VSTM2B: variants seen among roughly 807,000 people sequenced by gnomAD.
VSTM2B encodes the protein V-set and transmembrane domain containing 2B, also known as V-set and transmembrane domain-containing protein 2B.
A neutral mutation model predicts 24.0 loss-of-function variants in VSTM2B; 24 were observed. The ratio of observed to expected loss-of-function variants is 1.00; its 90% confidence interval spans 0.72 to 1.40. The LOEUF is 1.40. VSTM2B is among the 40% of genes most tolerant of loss of function. The pLI, the probability that VSTM2B is intolerant of heterozygous loss-of-function variation, is 0.00. For synonymous variants in VSTM2B, 226 were observed against 194.4 expected (o/e 1.16, Z -1.35); for missense variants, 399 against 416.4 (o/e 0.96, Z 0.36).
chr19:29,528,303 A>G, intron 2 of VSTM2B, 130 bp from the exon 3 acceptor site: 1 of 1,160,450 alleles, frequency 8.6e-7, no homozygotes, highest in Non-Finnish European at 1.2e-6. Context: ...TTGTGCCCTC[A>G]ACCCCCATCC....
chr19:29,551,409 G>A (rs562435787), intron 4 of VSTM2B, among the ~76,000 whole-genome samples: 2 of 150,412 alleles, frequency 1.3e-5, no homozygotes, highest in East Asian at 2.0e-4. Context: ...TTGAAATGAG[G>A]AATTTCCCAG....
rs1439284747 is a variant in VSTM2B, at chr19:29,526,385, C to T, written c.-199C>T. ...CGTCTCCTGCACACCCCGCGCAGCG[C>T]CCCCCGCCGGAGCCGCACCGGGCAA... On this transcript the variant is annotated 5_prime_UTR_variant, in exon 1 of 5. Coordinates refer to ENST00000335523, the MANE Select transcript of VSTM2B (RefSeq NM_001146339.2). This position sits in a 1 kb window ranked among gnomAD's most constrained non-coding sequence, Gnocchi z 4.1. 6.5e-5 allele frequency: 13 copies of T among 200,188 alleles called. No homozygotes were observed. Among genetic ancestry groups the T allele is most frequent in the Non-Finnish European group, 8.9e-5 (9 of 101,414 alleles). The allele number at this position is 200,188 out of a possible 1,614,324, so 12.4% of individuals were successfully genotyped here. A position where few individuals can be genotyped will look rare whatever the true frequency, so the allele number is the denominator to read the frequency against.
At chr19:29,529,769 A>G (rs1206809346) in intron 3 of VSTM2B, 50 bp from the exon 4 acceptor site, 2 of 1,522,252 alleles carry the variant, frequency 1.3e-6, no homozygotes, top group Non-Finnish European at 1.8e-6. Flanking sequence ...TGGCCAGAAG[A>G]GTAGGTTTGG....
At chr19:29,525,501 C>G (rs1192537263), upstream of VSTM2B, 1 of 152,118 alleles carries the variant, frequency 6.6e-6, no homozygotes, top group Non-Finnish European at 1.5e-5. Flanking sequence ...GCTCACTTCT[C>G]CCTCGCGCAC....
intron 4 of VSTM2B, among the ~76,000 whole-genome samples, chr19:29,546,681 C>G (rs149047628): frequency 6.6e-6 from 1 of 151,050 alleles, no homozygotes; most frequent in South Asian, 2.1e-4. Flanking sequence ...CCCCCACCCC[C>G]ACCCCGGTGC....
intron 4 of VSTM2B, among the ~76,000 whole-genome samples, chr19:29,562,607 C>T (rs1455397600): frequency 2.0e-5 from 3 of 152,156 alleles, no homozygotes; most frequent in South Asian, 4.1e-4. Context: ...CCATTCATGC[C>T]GCTGACTCTA....
Position 29,537,445 on chromosome 19 carries a change from T to A in VSTM2B, c.769+7155T>A, listed in dbSNP as rs113195875. ...GCCCAGGCCCCTTCTCCTGCCTGCA[T>A]CCTCCACAGGACGGCCCTTGAGAGA... On this transcript the variant is annotated intron_variant, in intron 4 of 4. Coordinates refer to ENST00000335523, the MANE Select transcript of VSTM2B (RefSeq NM_001146339.2). Among the ~76,000 whole-genome samples, 632 of 152,218 alleles carry A rather than the reference T, an allele frequency of 4.2e-3. 1 individual carries two copies. The highest frequency in any genetic ancestry group is 0.011 in the South Asian group (51 of 4,820).
At chr19:29,527,062 T>A (rs1969593416) in intron 1 of VSTM2B, 149 bp from the exon 2 acceptor site, 2 of 694,822 alleles carry the variant, frequency 2.9e-6, no homozygotes, top group Admixed American at 3.0e-5. Flanking sequence ...TTCCCCGAAC[T>A]TTGCTAGCCC....
intron 3 of VSTM2B, chr19:29,529,048 G>A (rs531413000): frequency 5.1e-6 from 5 of 985,352 alleles, no homozygotes; most frequent in South Asian, 9.4e-5. Context: ...CACCTGGAGC[G>A]TAGAAAGGCC....
chr19:29,537,312 C>T (rs1969912579), intron 4 of VSTM2B, among the ~76,000 whole-genome samples: 1 of 152,158 alleles, frequency 6.6e-6, no homozygotes, highest in African/African-American at 2.4e-5. Flanking sequence ...TCCAGTCTGG[C>T]CTCCTGTGGG....
intron 4 of VSTM2B, among the ~76,000 whole-genome samples, chr19:29,549,195 A>G (rs533719093): frequency 3.3e-5 from 5 of 152,232 alleles, no homozygotes; most frequent in Non-Finnish European, 5.9e-5. Flanking sequence ...ACCCTTCTGC[A>G]AATCAGACAG....
intron 4 of VSTM2B, among the ~76,000 whole-genome samples, chr19:29,551,049 C>T (rs78881375): frequency 6.6e-6 from 1 of 152,246 alleles, no homozygotes; most frequent in African/African-American, 2.4e-5. Context: ...GCCATCCATA[C>T]TTCTAGAAAC....
At position 29,530,075 on chromosome 19, in the gene VSTM2B, C is replaced by A; in HGVS notation, c.554C>A (p.Ala185Glu). Residue 185 changes from alanine to glutamate, a missense_variant, in exon 4 of 5, where the codon GCG becomes GAG. Coordinates refer to ENST00000335523, the MANE Select transcript of VSTM2B (RefSeq NM_001146339.2). ...GPASAANANN[A>E]GAASRTTSEP... is the part of the protein sequence containing the mutation. Reference sequence around the variant, plus strand: ...GCCAGCGCCGCCAACGCCAACAACGCGGGCGCCGCGAGCCGTACCACCTCC... The same window carrying A: ...GCCAGCGCCGCCAACGCCAACAACGAGGGCGCCGCGAGCCGTACCACCTCC... The A allele has an allele frequency of 6.7e-7, 1 of 1,501,614 alleles. No individual in the cohort carries two copies. Among genetic ancestry groups the A allele is most frequent in the Non-Finnish European group, 8.8e-7 (1 of 1,133,600 alleles). The allele number at this position is 1,501,614 out of a possible 1,614,324, so 93.0% of individuals were successfully genotyped here.
chr19:29,559,869 G>T (rs990069991), intron 4 of VSTM2B, among the ~76,000 whole-genome samples: 1 of 152,166 alleles, frequency 6.6e-6, no homozygotes, highest in Non-Finnish European at 1.5e-5. Context: ...CAATGGCTTT[G>T]GCAGAACACC....
intron 4 of VSTM2B, among the ~76,000 whole-genome samples, chr19:29,532,717 A>G (rs1599878918): frequency 6.6e-6 from 1 of 152,182 alleles, no homozygotes; most frequent in Non-Finnish European, 1.5e-5. Flanking sequence ...TGCTGCACAT[A>G]TATGTTCATT....
chr19:29,526,373 C>G lies in VSTM2B; in HGVS notation c.-211C>G, dbSNP rs1179192206. Reference sequence around the variant, plus strand: ...CCGGTGGGACCGCGTCTCCTGCACACCCCGCGCAGCGCCCCCCGCCGGAGC... The same window carrying G: ...CCGGTGGGACCGCGTCTCCTGCACAGCCCGCGCAGCGCCCCCCGCCGGAGC... On this transcript the variant is annotated 5_prime_UTR_variant, in exon 1 of 5. Coordinates refer to ENST00000335523, the MANE Select transcript of VSTM2B (RefSeq NM_001146339.2). This position sits in a 1 kb window ranked among gnomAD's most constrained non-coding sequence, Gnocchi z 4.1. 1.0e-5 allele frequency: 2 copies of G among 193,162 alleles called. No individual in the cohort carries two copies. Among genetic ancestry groups the G allele is most frequent in the Non-Finnish European group, 2.1e-5 (2 of 96,486 alleles). 12.0% of individuals were successfully genotyped at this position (193,162 alleles called of 1,614,324 possible). A position where few individuals can be genotyped will look rare whatever the true frequency, so the allele number is the denominator to read the frequency against.
At chr19:29,558,030 G>T (rs1241414417) in intron 4 of VSTM2B, among the ~76,000 whole-genome samples, 1 of 151,946 alleles carries the variant, frequency 6.6e-6, no homozygotes, top group Admixed American at 6.6e-5. Flanking sequence ...GAAAGACTGG[G>T]CAAAGGACAT....
At chr19:29,553,921 A>C (rs73029489) in intron 4 of VSTM2B, among the ~76,000 whole-genome samples, 1 of 152,228 alleles carries the variant, frequency 6.6e-6, no homozygotes, top group African/African-American at 2.4e-5. Context: ...CTATGGGATT[A>C]TGTAGAAAGA....
intron 4 of VSTM2B, among the ~76,000 whole-genome samples, chr19:29,563,275 C>A (rs1395946317): frequency 2.0e-5 from 3 of 149,040 alleles, no homozygotes; most frequent in Admixed American, 6.7e-5. Flanking sequence ...TTTTTTGAGA[C>A]AGAGTCTCAC....
Sources: gnomAD v4.1 joint callset for allele counts (sites outside exome capture counted in the v4.1 genomes callset) on GRCh38, gnomAD v4.1.1 for gene constraint, Gnocchi (gnomAD v3.1) non-coding constraint, MANE v1.5 for transcripts, NCBI Gene and HGNC (gene_info 2026-07-23, HGNC 2026-07-21) for gene names.